The following MYO1D variants were observed in gnomAD, a reference collection of about 807,000 sequenced individuals.
MYO1D encodes myosin ID, also known as unconventional myosin-Id.
In MYO1D, 83 loss-of-function variants were observed where a neutral mutation model predicts 122.0. That is an observed-to-expected ratio of 0.68 (90% CI 0.57 to 0.82). The LOEUF (loss-of-function observed/expected upper bound fraction) is 0.82, where lower values mean the gene tolerates loss of function less well. Ranked by LOEUF, MYO1D falls within the 40% of genes least tolerant of loss-of-function variation. MYO1D has a pLI of 0.00. For missense variants in MYO1D, 1,157 were observed against 1,269.5 expected (o/e 0.91, Z 1.35); for synonymous variants, 464 against 446.9 (o/e 1.04, Z -0.48).
At chr17:32,553,414 GGGA>G (rs1253301269) in intron 21 of MYO1D, among the ~76,000 whole-genome samples, 1 of 152,192 alleles carries the variant, frequency 6.6e-6, no homozygotes, top group Non-Finnish European at 1.5e-5. Flanking sequence ...GGAAGAGCAG[GGGA>G]GAGTATTGTG....
chr17:32,665,055 T>A (rs1380397412), intron 16 of MYO1D, among the ~76,000 whole-genome samples: 1 of 152,176 alleles, frequency 6.6e-6, no homozygotes, highest in Non-Finnish European at 1.5e-5. Context: ...AGGGCTTTTG[T>A]GCTAGTTGCT....
chr17:32,574,625 T>C (rs2087261773), intron 21 of MYO1D, among the ~76,000 whole-genome samples: 1 of 152,228 alleles, frequency 6.6e-6, no homozygotes, highest in East Asian at 1.9e-4. Context: ...AATAGTATCT[T>C]GCTTATTGCT....
intron 6 of MYO1D, among the ~76,000 whole-genome samples, chr17:32,770,434 A>G (rs376565786): frequency 1.3e-5 from 2 of 152,144 alleles, no homozygotes; most frequent in South Asian, 2.1e-4. Context: ...TCTATATCCT[A>G]CCATATCTTA....
intron 20 of MYO1D, among the ~76,000 whole-genome samples, chr17:32,606,251 C>T (rs2087626639): frequency 6.6e-6 from 1 of 152,174 alleles, no homozygotes; most frequent in Admixed American, 6.5e-5. Context: ...CAGATGATTT[C>T]AATAGTGAAT....
At chr17:32,721,244 G>C (rs1174437744) in intron 14 of MYO1D, 55 bp from the exon 15 acceptor site, 65 of 1,529,610 alleles carry the variant, frequency 4.2e-5, no homozygotes, top group Non-Finnish European at 5.0e-5. Context: ...TTCCCAGCTA[G>C]GGACACTAAC....
intron 1 of MYO1D, among the ~76,000 whole-genome samples, chr17:32,801,892 A>G (rs1447958503): frequency 6.6e-6 from 1 of 152,250 alleles, no homozygotes; most frequent in Non-Finnish European, 1.5e-5. Context: ...GCAGAAAATA[A>G]GGAAGTTCTC....
intron 15 of MYO1D, among the ~76,000 whole-genome samples, chr17:32,714,531 A>G (rs981074945): frequency 3.3e-5 from 5 of 152,204 alleles, no homozygotes; most frequent in African/African-American, 1.2e-4. Context: ...TGCTGCAATG[A>G]ACATACCTGT....
intron 1 of MYO1D, among the ~76,000 whole-genome samples, chr17:32,837,960 T>C (rs1380768041): frequency 2.4e-5 from 3 of 126,448 alleles, no homozygotes; most frequent in African/African-American, 8.1e-5. Context: ...ATTGTGCTTT[T>C]CTTTTCATAT....
At chr17:32,586,197 A>G (rs1244040907) in intron 21 of MYO1D, among the ~76,000 whole-genome samples, 1 of 152,218 alleles carries the variant, frequency 6.6e-6, no homozygotes, top group East Asian at 1.9e-4. Context: ...GCCTTTGTCC[A>G]TGTTCTAAGC....
intron 21 of MYO1D, among the ~76,000 whole-genome samples, chr17:32,588,330 T>A (rs1329218256): frequency 1.3e-5 from 2 of 152,216 alleles, no homozygotes; most frequent in Non-Finnish European, 2.9e-5. Context: ...CGATGCCTGA[T>A]AAAAGACACA....
chr17:32,851,409 G>T (rs535885839), intron 1 of MYO1D, among the ~76,000 whole-genome samples: 1 of 152,228 alleles, frequency 6.6e-6, no homozygotes, highest in East Asian at 1.9e-4. Context: ...CCACAGACAT[G>T]CCTAAGACTC....
At chr17:32,639,363 T>TTGTG (rs10674390) in intron 19 of MYO1D, among the ~76,000 whole-genome samples, 3,754 of 128,034 alleles carry the variant, frequency 0.029, 63 homozygotes, top group Middle Eastern at 0.039. Flanking sequence ...GGGAGAAATT[T>TTGTG]TGTGTGTGTG....
intron 21 of MYO1D, among the ~76,000 whole-genome samples, chr17:32,593,568 C>T (rs2087459920): frequency 6.6e-6 from 1 of 152,226 alleles, no homozygotes; most frequent in Non-Finnish European, 1.5e-5. Flanking sequence ...TCTCATTCCA[C>T]TCCCAGGTCT....
At chr17:32,511,172 G>A (rs905112745) in intron 21 of MYO1D, among the ~76,000 whole-genome samples, 1 of 151,186 alleles carries the variant, frequency 6.6e-6, no homozygotes, top group Non-Finnish European at 1.5e-5. Flanking sequence ...TTCTCTTCAC[G>A]TCTCTTCCTT....
At chr17:32,834,424 C>T (rs528450300) in intron 1 of MYO1D, among the ~76,000 whole-genome samples, 2 of 152,326 alleles carry the variant, frequency 1.3e-5, no homozygotes, top group East Asian at 3.9e-4. Context: ...GGTCACCTGG[C>T]CCCCAGTTCT....
intron 15 of MYO1D, among the ~76,000 whole-genome samples, chr17:32,715,706 T>G (rs1448705274): frequency 6.6e-6 from 1 of 152,158 alleles, no homozygotes; most frequent in East Asian, 1.9e-4. Context: ...TTTCAATTTG[T>G]GTGTTATCCC....
intron 20 of MYO1D, among the ~76,000 whole-genome samples, chr17:32,636,962 C>T (rs1324891509): frequency 6.6e-6 from 1 of 152,168 alleles, no homozygotes; most frequent in Non-Finnish European, 1.5e-5. Context: ...GTGTATCCAT[C>T]CCACTGACGT....
intron 1 of MYO1D, among the ~76,000 whole-genome samples, chr17:32,829,349 T>C (rs183866434): frequency 1.2e-4 from 18 of 152,388 alleles, no homozygotes; most frequent in African/African-American, 4.3e-4. Context: ...AGTTATTTTA[T>C]GCACTTTGAA....
chr17:32,568,284 C>G (rs225211), intron 21 of MYO1D, among the ~76,000 whole-genome samples: 61,837 of 151,560 alleles, frequency 0.41, 12,745 homozygotes, highest in East Asian at 0.56. Flanking sequence ...CAACTTGACA[C>G]AGTTCAAAAA....
Sources: allele counts gnomAD v4.1 joint callset (sites outside exome capture counted in the v4.1 genomes callset), GRCh38; gene constraint gnomAD v4.1.1; transcripts MANE v1.5; gene names NCBI Gene and HGNC (gene_info 2026-07-23, HGNC 2026-07-21).